The following OTUD7B variants were observed in gnomAD, a reference collection of about 807,000 sequenced individuals.
OTUD7B encodes the protein OTU domain-containing protein 7B.
Under a neutral mutation model 82.2 loss-of-function variants are expected in OTUD7B, and 34 were observed. That is an observed-to-expected ratio of 0.41 (90% CI 0.31 to 0.55). OTUD7B has a LOEUF of 0.55. OTUD7B is among the 20% of genes least tolerant of loss of function. OTUD7B has a pLI of 0.20. For synonymous variants in OTUD7B, 398 were observed against 402.7 expected (o/e 0.99, Z 0.14); for missense variants, 944 against 1,062.1 (o/e 0.89, Z 1.55).
the OTUD7B span, among the ~76,000 whole-genome samples, chr1:150,029,507 G>T: frequency 2.4e-4 from 37 of 152,204 alleles, 1 homozygote; most frequent in Non-Finnish European, 4.6e-4. Context: ...GGATGCTTTA[G>T]ATTTCTAGAA....
chr1:149,969,502 C>A (rs1281728027), intron 3 of OTUD7B, among the ~76,000 whole-genome samples: 1 of 151,954 alleles, frequency 6.6e-6, no homozygotes, highest in Non-Finnish European at 1.5e-5. Flanking sequence ...TGGCCGGGCA[C>A]GATGGCTCAC....
Position 149,998,344 on chromosome 1 carries a change from G to T in OTUD7B, c.-67+12104C>A, listed in dbSNP as rs587657532. Among the ~76,000 whole-genome samples the T allele has an allele frequency of 2.0e-5, 3 of 152,246 alleles. No homozygotes were observed. The South Asian group carries it at 6.2e-4, about 32-fold the overall frequency. ...CAATTCCCTACTCAGAGATTTTTCA[G>T]TATAAGTATAAAAACCAAATTCCTT... On this transcript the variant is annotated intron_variant, in intron 1 of 11. Coordinates refer to ENST00000581312, the MANE Select transcript of OTUD7B (RefSeq NM_020205.4).
At chr1:150,058,296 C>A in the OTUD7B span, among the ~76,000 whole-genome samples, 4 of 152,118 alleles carry the variant, frequency 2.6e-5, no homozygotes, top group Admixed American at 2.0e-4. Flanking sequence ...CACTTGAGTC[C>A]AGGAGTTCGA....
the OTUD7B span, chr1:150,054,247 A>G: frequency 2.7e-5 from 12 of 451,530 alleles, no homozygotes; most frequent in Admixed American, 1.3e-4. Context: ...TGAGCCAAGG[A>G]AAAAAACCCT....
the OTUD7B span, among the ~76,000 whole-genome samples, chr1:150,052,054 A>G: frequency 6.6e-6 from 1 of 152,214 alleles, no homozygotes; most frequent in Non-Finnish European, 1.5e-5. Context: ...ACAAACCCAC[A>G]GCCAATATCA....
At chr1:149,945,721 T>A (rs1011445741) in intron 11 of OTUD7B, among the ~76,000 whole-genome samples, 1 of 152,122 alleles carries the variant, frequency 6.6e-6, no homozygotes, top group Non-Finnish European at 1.5e-5. Context: ...TTGGACGAAA[T>A]AATGATCATC....
intron 11 of OTUD7B, among the ~76,000 whole-genome samples, chr1:149,946,867 A>G (rs1553772284): frequency 6.6e-6 from 1 of 151,970 alleles, no homozygotes; most frequent in Non-Finnish European, 1.5e-5. Flanking sequence ...AGCCTGGCCA[A>G]CATGGTGAAA....
chr1:150,060,370 AGAGATTAG>A, the OTUD7B span, among the ~76,000 whole-genome samples: 5,166 of 152,208 alleles, frequency 0.034, 233 homozygotes, highest in African/African-American at 0.11. Flanking sequence ...CCTTATGAGA[AGAGATTAG>A]GAGATTAGGA....
At chr1:150,017,093 T>G in the OTUD7B span, among the ~76,000 whole-genome samples, 1 of 152,230 alleles carries the variant, frequency 6.6e-6, no homozygotes, top group East Asian at 1.9e-4. Context: ...AGTGAACCGC[T>G]TAATCAATTA....
At chr1:149,996,703 T>C (rs587662659) in intron 1 of OTUD7B, among the ~76,000 whole-genome samples, 1 of 152,352 alleles carries the variant, frequency 6.6e-6, no homozygotes, top group East Asian at 1.9e-4. Context: ...TTTTATGGCA[T>C]TGCTATGAGT....
At chr1:150,018,278 CA>C in the OTUD7B span, among the ~76,000 whole-genome samples, 4 of 152,140 alleles carry the variant, frequency 2.6e-5, no homozygotes, top group Admixed American at 1.3e-4. Context: ...AAAAATAAAA[CA>C]CTGCCTATAG....
the OTUD7B span, chr1:150,054,088 T>C: frequency 7.4e-6 from 3 of 406,536 alleles, no homozygotes; most frequent in Non-Finnish European, 9.1e-6. Flanking sequence ...AGTACTCAGC[T>C]GTGAAATCCA....
At chr1:149,990,765 G>C (rs1421595936) in intron 1 of OTUD7B, among the ~76,000 whole-genome samples, 1 of 152,154 alleles carries the variant, frequency 6.6e-6, no homozygotes, top group Non-Finnish European at 1.5e-5. Flanking sequence ...GGAGGCCGAG[G>C]CAGGTGGATC....
rs146927901 is a variant in OTUD7B, at chr1:149,956,028, C to T, written c.845+3656G>A. 8.4e-3 allele frequency among the ~76,000 whole-genome samples: 1,283 copies of T among 152,234 alleles called. 7 individuals carry two copies. The highest frequency in any genetic ancestry group is 0.015 in the Non-Finnish European group (995 of 68,026). ...GTCTTTTTAATTGGAGCATTTAGCC[C>T]ATTTACATTTAAGGTTAATACTGTT... On this transcript the variant is annotated intron_variant, in intron 7 of 11. Transcript: ENST00000581312.
At position 149,959,809 on chromosome 1, in the gene OTUD7B, C is replaced by T. The variant is rs1553775303; in HGVS notation, c.733-13G>A. 1.1e-5 allele frequency: 18 copies of T among 1,573,906 alleles called. No homozygotes were observed. The highest frequency in any genetic ancestry group is 1.6e-5 in the Non-Finnish European group (18 of 1,143,384). Reference sequence around the variant, plus strand: ...ATACCAGCCCTGACTGTGTGAAGGACAGGCAGGGGACATTGGGCAATTAGA... The same window carrying T: ...ATACCAGCCCTGACTGTGTGAAGGATAGGCAGGGGACATTGGGCAATTAGA... On this transcript the variant is annotated splice_polypyrimidine_tract_variant and intron_variant, in intron 6 of 11. Coordinates refer to ENST00000581312, the MANE Select transcript of OTUD7B (RefSeq NM_020205.4).
upstream of OTUD7B, among the ~76,000 whole-genome samples, chr1:150,013,675 C>T (rs1553787867): frequency 6.6e-6 from 1 of 151,716 alleles, no homozygotes; most frequent in African/African-American, 2.4e-5. Flanking sequence ...GTAATACCAG[C>T]ACTTTGGGAG....
chr1:150,048,742 G>A, the OTUD7B span, among the ~76,000 whole-genome samples: 12 of 151,798 alleles, frequency 7.9e-5, no homozygotes, highest in Admixed American at 5.9e-4. Flanking sequence ...CACAGTATGT[G>A]GATATAAACA....
At chr1:150,048,952 C>T in the OTUD7B span, among the ~76,000 whole-genome samples, 87 of 152,264 alleles carry the variant, frequency 5.7e-4, no homozygotes, top group African/African-American at 2.0e-3. Flanking sequence ...CCTGCCTCCG[C>T]CTCCTGAGTG....
intron 1 of OTUD7B, among the ~76,000 whole-genome samples, chr1:149,994,364 C>T (rs782812958): frequency 6.6e-6 from 1 of 151,920 alleles, no homozygotes; most frequent in African/African-American, 2.4e-5. Context: ...GGGCGGATCA[C>T]GAGGTCAAGA....
Sources: allele counts gnomAD v4.1 joint callset (sites outside exome capture counted in the v4.1 genomes callset), GRCh38; gene constraint gnomAD v4.1.1; transcripts MANE v1.5; gene names NCBI Gene and HGNC (gene_info 2026-07-23, HGNC 2026-07-21).